Variants in CARMIL1 observed in about 807,000 individuals in gnomAD.
CARMIL1 encodes the protein F-actin-uncapping protein LRRC16A.
In CARMIL1, 90 loss-of-function variants were observed where a neutral mutation model predicts 177.1. That is an observed-to-expected ratio of 0.51 (90% CI 0.43 to 0.61). The LOEUF (loss-of-function observed/expected upper bound fraction) is 0.61, where lower values mean the gene tolerates loss of function less well. Among genes scored for constraint, CARMIL1 ranks in the 20% least tolerant of loss-of-function variants. The pLI is 0.00. For synonymous variants in CARMIL1, 577 were observed against 606.2 expected (o/e 0.95, Z 0.71); for missense variants, 1,380 against 1,667.0 (o/e 0.83, Z 3.00).
intron 2 of CARMIL1, among the ~76,000 whole-genome samples, chr6:25,366,432 T>C (rs1163069410): frequency 6.6e-6 from 1 of 152,072 alleles, no homozygotes; most frequent in Non-Finnish European, 1.5e-5. Context: ...GCCTGACATT[T>C]AAAATTGTAA....
At position 25,515,834 on chromosome 6, in the gene CARMIL1, A is replaced by G; in HGVS notation, c.1792A>G (p.Asn598Asp). The change falls in exon 21 of 37, where the codon AAC (asparagine) becomes GAC (aspartate). Residue 598 changes from asparagine (N) to aspartate (D), a missense_variant. By Grantham distance (23) the Asn-to-Asp change is conservative (BLOSUM62 1). Transcript: ENST00000329474. This position sits in a 1 kb window ranked among gnomAD's most constrained non-coding sequence, Gnocchi z 5.0. Reference sequence around the variant, plus strand: ...GATGCTGGCCAAAGCACTGCAGATCAACACTAAGCTCAGGTAGGCAGATCC... The same window carrying G: ...GATGCTGGCCAAAGCACTGCAGATCGACACTAAGCTCAGGTAGGCAGATCC... ...AKMLAKALQI[N>D]TKLRTVIWDK... 1 of 1,604,916 alleles carries G rather than the reference A, an allele frequency of 6.2e-7. No homozygotes were observed. The highest frequency in any genetic ancestry group is 8.5e-7 in the Non-Finnish European group (1 of 1,175,890).
chr6:25,336,447 G>A (rs961016643), intron 2 of CARMIL1, among the ~76,000 whole-genome samples: 4 of 152,214 alleles, frequency 2.6e-5, no homozygotes, highest in African/African-American at 9.6e-5. Flanking sequence ...AAGAGTGTGG[G>A]CTGTGGTCTC....
At chr6:25,434,252 A>G (rs1344010333) in intron 4 of CARMIL1, among the ~76,000 whole-genome samples, 6 of 152,120 alleles carry the variant, frequency 3.9e-5, no homozygotes, top group Non-Finnish European at 8.8e-5. Flanking sequence ...ATTTTTAGGT[A>G]GTTGAAGTTC....
intron 17 of CARMIL1, among the ~76,000 whole-genome samples, chr6:25,508,948 G>A (rs1805202611): frequency 6.6e-6 from 1 of 152,166 alleles, no homozygotes; most frequent in African/African-American, 2.4e-5. Flanking sequence ...GAAAAGTACT[G>A]TATTGGGTTT....
Position 25,279,846 on chromosome 6 carries a change from C to A in CARMIL1, c.40+11C>A. The A allele has an allele frequency of 6.2e-7, 1 of 1,613,912 alleles. No individual in the cohort carries two copies. The highest frequency in any genetic ancestry group is 8.5e-7 in the Non-Finnish European group (1 of 1,179,816). ...CCAGGGAGTTGATAGGTAAGATTCACGCGGTTGTTGGTTTTCCACCTTCCT... is the reference window on the plus strand; with the variant it reads ...CCAGGGAGTTGATAGGTAAGATTCAAGCGGTTGTTGGTTTTCCACCTTCCT... On this transcript the variant is annotated intron_variant, in intron 1 of 36. Transcript: ENST00000329474.
In CARMIL1 at chr6:25,594,539, G is replaced by A; in HGVS notation, c.3119+12G>A. 1.5e-6 allele frequency: 2 copies of A among 1,377,284 alleles called. No homozygotes were observed. The highest frequency in any genetic ancestry group is 2.1e-6 in the Non-Finnish European group (2 of 968,314). 85.3% of individuals were successfully genotyped at this position (1,377,284 alleles called of 1,614,324 possible). A position where few individuals can be genotyped will look rare whatever the true frequency, so the allele number is the denominator to read the frequency against. ...AAAATGGATTCCAAGTGAGTTCAGA[G>A]TAATTTCACTGATAATGCTATTTTA... On this transcript the variant is annotated intron_variant, in intron 32 of 36. Coordinates refer to ENST00000329474, the MANE Select transcript of CARMIL1 (RefSeq NM_017640.6).
Position 25,576,314 on chromosome 6 carries a change from AAATTCCCACT to A in CARMIL1, c.2743-4607_2743-4598del, listed in dbSNP as rs3840099. On this transcript the variant is annotated intron_variant, in intron 29 of 36. Transcript: ENST00000329474. ...TGTAATGTAAAATGTAAGGTGACCT[AAATTCCCACT>A]AAGGTATAAGGTATCATCAATATTG... Among the ~76,000 whole-genome samples, 499 of 152,292 alleles carry A rather than the reference AAATTCCCACT, an allele frequency of 3.3e-3. 9 individuals are homozygous for A. Among genetic ancestry groups the A allele is most frequent in the Admixed American group, 0.024 (368 of 15,300 alleles).
At chr6:25,426,706 A>G in intron 4 of CARMIL1, 146 bp downstream of exon 4, 1 of 614,182 alleles carries the variant, frequency 1.6e-6, no homozygotes, top group Non-Finnish European at 2.8e-6. Flanking sequence ...CTGTGTGGAC[A>G]GGAGTTGGGA....
chr6:25,355,288 A>G (rs1788485828), intron 2 of CARMIL1, among the ~76,000 whole-genome samples: 1 of 152,174 alleles, frequency 6.6e-6, no homozygotes, highest in Non-Finnish European at 1.5e-5. Flanking sequence ...GACACCAGGA[A>G]TACTACTTTC....
At chr6:25,517,951 C>T (rs946744104) in intron 22 of CARMIL1, among the ~76,000 whole-genome samples, 1 of 152,152 alleles carries the variant, frequency 6.6e-6, no homozygotes, top group African/African-American at 2.4e-5. Context: ...TCCCAGTAAA[C>T]TAAATGAGAA....
intron 29 of CARMIL1, among the ~76,000 whole-genome samples, chr6:25,573,839 A>ACCT (rs1486918122): frequency 6.6e-6 from 1 of 152,146 alleles, no homozygotes; most frequent in East Asian, 1.9e-4. Flanking sequence ...AAAATCCCTT[A>ACCT]CATGTGAGGT....
chr6:25,448,862 C>T (rs776475199), intron 5 of CARMIL1, among the ~76,000 whole-genome samples: 5 of 151,316 alleles, frequency 3.3e-5, no homozygotes, highest in Non-Finnish European at 5.9e-5. Context: ...TCTGTGATAA[C>T]TAATGACAGT....
intron 8 of CARMIL1, among the ~76,000 whole-genome samples, chr6:25,458,862 G>T (rs902844655): frequency 2.0e-5 from 3 of 152,108 alleles, no homozygotes; most frequent in Admixed American, 2.0e-4. Flanking sequence ...AGACTGTATG[G>T]ATAAATATAT....
intron 2 of CARMIL1, among the ~76,000 whole-genome samples, chr6:25,349,012 G>A (rs933311780): frequency 6.6e-6 from 1 of 152,158 alleles, no homozygotes. Context: ...TATGATTATT[G>A]TCTACTTGGT....
Position 25,279,678 on chromosome 6 carries a change from C to T in CARMIL1, c.-118C>T, listed in dbSNP as rs1406960387. On this transcript the variant is annotated 5_prime_UTR_variant, in exon 1 of 37. Coordinates refer to ENST00000329474, the MANE Select transcript of CARMIL1 (RefSeq NM_017640.6). ...TCTGTCTCCGCCCCCCCTTTTCTTG[C>T]CCACTTCCATTTGCAAGCTGCATCT... The T allele has an allele frequency of 5.5e-6, 5 of 917,278 alleles. No homozygotes were observed. In the African/African-American group the frequency reaches 6.5e-5, roughly 12 times the overall value. 56.8% of individuals were successfully genotyped at this position (917,278 alleles called of 1,614,324 possible).
chr6:25,403,268 A>G (rs10946772), intron 2 of CARMIL1, among the ~76,000 whole-genome samples: 67,152 of 151,768 alleles, frequency 0.44, 15,102 homozygotes, highest in Middle Eastern at 0.57. Flanking sequence ...AGCAAAACCA[A>G]TGGGCTCCAT....
At chr6:25,472,368 G>A in intron 10 of CARMIL1, 59 bp from the exon 11 acceptor site, 2 of 1,166,876 alleles carry the variant, frequency 1.7e-6, no homozygotes, top group South Asian at 1.3e-5. Flanking sequence ...AGCTTTAAAT[G>A]TTCCGTTCGA....
intron 5 of CARMIL1, among the ~76,000 whole-genome samples, chr6:25,443,989 G>C (rs1280049520): frequency 6.6e-6 from 1 of 152,090 alleles, no homozygotes; most frequent in Non-Finnish European, 1.5e-5. Flanking sequence ...TTTTAGTAGA[G>C]ATGGGGTTTC....
At chr6:25,615,360 T>C (rs4084850) in intron 36 of CARMIL1, among the ~76,000 whole-genome samples, 8,556 of 152,296 alleles carry the variant, frequency 0.056, 355 homozygotes, top group African/African-American at 0.11. Context: ...GTGGCTACTA[T>C]ATTGATTTGA....
Sources: gnomAD v4.1 joint callset for allele counts (sites outside exome capture counted in the v4.1 genomes callset) on GRCh38, gnomAD v4.1.1 for gene constraint, Gnocchi (gnomAD v3.1) non-coding constraint, MANE v1.5 for transcripts, NCBI Gene and HGNC (gene_info 2026-07-23, HGNC 2026-07-21) for gene names.